CLCN3: variants seen among roughly 807,000 people sequenced by gnomAD.
CLCN3 encodes H(+)/Cl(-) exchange transporter 3.
CLCN3 carries 16 observed loss-of-function variants against 83.4 expected under a neutral mutation model. That is an observed-to-expected ratio of 0.19 (90% CI 0.13 to 0.29). The LOEUF is 0.29. CLCN3 is among the 10% of genes least tolerant of loss of function. The probability of loss-of-function intolerance (pLI) is 1.00; values close to 1 mark genes in which losing one functional copy is unlikely to be tolerated. For missense variants in CLCN3, 544 were observed against 1,006.0 expected (o/e 0.54, Z 6.21); for synonymous variants, 322 against 346.2 (o/e 0.93, Z 0.78).
rs113120753 is a variant in CLCN3 at position 169,681,559 on chromosome 4, C to T, written c.318+1352C>T. 5.1e-4 allele frequency among the ~76,000 whole-genome samples: 78 copies of T among 152,034 alleles called. 2 individuals are homozygous for T. Among genetic ancestry groups the T allele is most frequent in the Admixed American group, 2.3e-3 (35 of 15,270 alleles). On this transcript the variant is annotated intron_variant, in intron 3 of 12. Transcript: ENST00000513761. The stretch of plus-strand genomic sequence containing the variant: ...AAAATAAAATACAGTACATGAAATC[C>T]AGTGCTTTAATCCAGTGATTCTTAA...
chr4:169,624,141 A>C (rs1286407316), intron 1 of CLCN3, among the ~76,000 whole-genome samples: 1 of 152,080 alleles, frequency 6.6e-6, no homozygotes. Context: ...TATAGTAGTG[A>C]CTTTTTTTTT....
chr4:169,684,726 C>G (rs1206340557), intron 3 of CLCN3, among the ~76,000 whole-genome samples: 1 of 152,152 alleles, frequency 6.6e-6, no homozygotes, highest in African/African-American at 2.4e-5. Flanking sequence ...TATGACTGTA[C>G]TAATTTGAAT....
intron 2 of CLCN3, among the ~76,000 whole-genome samples, chr4:169,676,732 A>G (rs1282834782): frequency 1.3e-5 from 2 of 150,430 alleles, no homozygotes; most frequent in Non-Finnish European, 3.0e-5. Flanking sequence ...TCCTGAGCTC[A>G]AGCAATCCAC....
intron 2 of CLCN3, among the ~76,000 whole-genome samples, chr4:169,644,769 A>C (rs1431980169): frequency 6.6e-6 from 1 of 152,222 alleles, no homozygotes; most frequent in Non-Finnish European, 1.5e-5. Flanking sequence ...AAATATCTAG[A>C]GATGGAGTGA....
intron 2 of CLCN3, among the ~76,000 whole-genome samples, chr4:169,674,153 A>G (rs189905087): frequency 1.5e-4 from 23 of 152,300 alleles, no homozygotes; most frequent in African/African-American, 5.1e-4. Context: ...AGCACATGTT[A>G]CATCCTGTTG....
chr4:169,627,968 A>G (rs1054677212), intron 1 of CLCN3, among the ~76,000 whole-genome samples: 1 of 152,236 alleles, frequency 6.6e-6, no homozygotes, highest in Admixed American at 6.5e-5. Flanking sequence ...TCCGTGGAAC[A>G]GAACAGAGAA....
intron 2 of CLCN3, among the ~76,000 whole-genome samples, chr4:169,639,287 C>T (rs1730334725): frequency 6.6e-6 from 1 of 152,182 alleles, no homozygotes; most frequent in Non-Finnish European, 1.5e-5. Context: ...TTGCCTTGGC[C>T]TCCCAAAGTG....
At chr4:169,634,787 G>A (rs545343601) in intron 1 of CLCN3, among the ~76,000 whole-genome samples, 10 of 152,114 alleles carry the variant, frequency 6.6e-5, no homozygotes, top group Admixed American at 3.9e-4. Flanking sequence ...CTTACACTGT[G>A]CCAGTCATTA....
intron 2 of CLCN3, among the ~76,000 whole-genome samples, chr4:169,667,081 C>T (rs1388059405): frequency 1.3e-5 from 2 of 151,896 alleles, no homozygotes; most frequent in African/African-American, 4.8e-5. Flanking sequence ...TCTAAAAAAC[C>T]TGCCTAACTC....
intron 2 of CLCN3, among the ~76,000 whole-genome samples, chr4:169,679,234 G>A (rs1264895447): frequency 3.3e-5 from 5 of 149,836 alleles, no homozygotes; most frequent in African/African-American, 9.9e-5. Context: ...GGGCAGAGGC[G>A]CTCCTCACAT....
At chr4:169,706,064 G>A (rs1414763581) in intron 10 of CLCN3, among the ~76,000 whole-genome samples, 1 of 151,986 alleles carries the variant, frequency 6.6e-6, no homozygotes, top group African/African-American at 2.4e-5. Flanking sequence ...ATAACAGTGA[G>A]AATACCGAGA....
chr4:169,688,928 A>G (rs1732261422), intron 4 of CLCN3, 115 bp from the exon 5 acceptor site: 2 of 759,674 alleles, frequency 2.6e-6, no homozygotes, highest in Admixed American at 3.0e-5. Context: ...TATGTAGTTC[A>G]TAAATGACCC....
At chr4:169,690,344 C>A (rs1732318453) in intron 5 of CLCN3, among the ~76,000 whole-genome samples, 186 bp from the exon 6 acceptor site, 1 of 151,976 alleles carries the variant, frequency 6.6e-6, no homozygotes, top group African/African-American at 2.4e-5. Flanking sequence ...CGGGGTTTCA[C>A]CACATTGGCC....
intron 6 of CLCN3, 27 bp downstream of exon 6, chr4:169,690,679 TA>T (rs1347386963): frequency 1.3e-6 from 2 of 1,590,068 alleles, no homozygotes; most frequent in Admixed American, 3.5e-5. Flanking sequence ...TTAGTGTCAT[TA>T]AACATTATTA....
At chr4:169,717,812 C>T in intron 12 of CLCN3, 1 of 1,612,390 alleles carries the variant, frequency 6.2e-7, no homozygotes, top group Non-Finnish European at 8.5e-7. Context: ...GGGATCATCA[C>T]AAAGAAGAAC....
intron 4 of CLCN3, 72 bp downstream of exon 4, chr4:169,687,829 A>C: frequency 1.3e-6 from 1 of 741,738 alleles, no homozygotes; most frequent in Non-Finnish European, 2.1e-6. Context: ...CCTTCCCTCA[A>C]TTTTTTTTCA....
intron 1 of CLCN3, among the ~76,000 whole-genome samples, chr4:169,624,921 A>G (rs1773194451): frequency 6.6e-6 from 1 of 151,908 alleles, no homozygotes; most frequent in South Asian, 2.1e-4. Context: ...CCTCCTGAGT[A>G]GCTGGGATTA....
At chr4:169,657,313 T>C (rs1730916107) in intron 2 of CLCN3, among the ~76,000 whole-genome samples, 1 of 152,132 alleles carries the variant, frequency 6.6e-6, no homozygotes, top group Admixed American at 6.6e-5. Context: ...AAAAATTCTG[T>C]AGGTTTCCCT....
At chr4:169,697,792 T>C (rs1216057563) in intron 9 of CLCN3, 58 bp downstream of exon 9, 5 of 1,122,462 alleles carry the variant, frequency 4.5e-6, no homozygotes, top group Non-Finnish European at 6.4e-6. Context: ...AACTTATATG[T>C]GGAATGAGAG....
Sources: gnomAD v4.1 joint callset for allele counts (sites outside exome capture counted in the v4.1 genomes callset) on GRCh38, gnomAD v4.1.1 for gene constraint, MANE v1.5 for transcripts, NCBI Gene and HGNC (gene_info 2026-07-23, HGNC 2026-07-21) for gene names.